Variants in SORL1 observed in about 807,000 individuals in gnomAD.
The protein encoded by SORL1 is sortilin-related receptor.
A neutral mutation model predicts 273.7 loss-of-function variants in SORL1; 127 were observed. The ratio of observed to expected loss-of-function variants is 0.46; its 90% CI spans 0.40 to 0.54. The LOEUF is 0.54. SORL1 is among the 20% of genes least tolerant of loss of function. The probability of loss-of-function intolerance (pLI) is 0.00; values close to 1 mark genes in which losing one functional copy is unlikely to be tolerated. For missense variants in SORL1, 2,494 were observed against 2,846.1 expected (o/e 0.88, Z 2.81); for synonymous variants, 1,031 against 1,067.4 (o/e 0.97, Z 0.66).
intron 1 of SORL1, among the ~76,000 whole-genome samples, chr11:121,464,470 C>T (rs183282155): frequency 1.6e-4 from 25 of 152,302 alleles, no homozygotes; most frequent in African/African-American, 6.0e-4. Flanking sequence ...CGCAAGTGAA[C>T]GCATGAGTAA....
At chr11:121,586,693 T>TGGGGGGGGGGGGGGGGGGGGGG (rs376563096) in intron 27 of SORL1, among the ~76,000 whole-genome samples, 1 of 97,160 alleles carries the variant, frequency 1.0e-5, no homozygotes, top group Non-Finnish European at 2.0e-5. Context: ...GGGGGTAGAG[T>TGGGGGGGGGGGGGGGGGGGGGG]GGGGGGGGGG....
intron 3 of SORL1, among the ~76,000 whole-genome samples, chr11:121,481,050 C>A (rs74965467): frequency 8.7e-6 from 1 of 114,358 alleles, no homozygotes; most frequent in African/African-American, 3.7e-5. Flanking sequence ...AGCTCCTCCC[C>A]TAGTGCACAG....
intron 6 of SORL1, among the ~76,000 whole-genome samples, chr11:121,503,679 T>C (rs914619027): frequency 6.6e-6 from 1 of 152,098 alleles, no homozygotes; most frequent in African/African-American, 2.4e-5. Context: ...AGGGTCTCAC[T>C]ATGTTGCCCA....
At chr11:121,464,850 T>C (rs1373320595) in intron 1 of SORL1, among the ~76,000 whole-genome samples, 1 of 152,126 alleles carries the variant, frequency 6.6e-6, no homozygotes, top group Non-Finnish European at 1.5e-5. Context: ...AGAGACCCAG[T>C]CCACAGCCTG....
At chr11:121,594,965 C>A (rs142241757) in intron 31 of SORL1, among the ~76,000 whole-genome samples, 11 of 152,312 alleles carry the variant, frequency 7.2e-5, no homozygotes, top group African/African-American at 2.6e-4. Context: ...TTGCTAGGAT[C>A]CTCGGAGAAG....
chr11:121,540,953 T>C (rs1192329868), intron 12 of SORL1, among the ~76,000 whole-genome samples: 1 of 152,274 alleles, frequency 6.6e-6, no homozygotes, highest in Non-Finnish European at 1.5e-5. Context: ...TTGACTCTGT[T>C]GGTTCAGTTT....
At chr11:121,464,584 G>A (rs1440372723) in intron 1 of SORL1, among the ~76,000 whole-genome samples, 1 of 152,190 alleles carries the variant, frequency 6.6e-6, no homozygotes, top group African/African-American at 2.4e-5. Flanking sequence ...CTGAATAATA[G>A]GAGGTGAATC....
intron 1 of SORL1, among the ~76,000 whole-genome samples, chr11:121,458,653 A>C (rs1240512795): frequency 1.3e-5 from 2 of 152,230 alleles, no homozygotes; most frequent in Non-Finnish European, 2.9e-5. Context: ...TCAATTTAAA[A>C]TGAGCCACAG....
In SORL1 at chr11:121,523,190, A is replaced by G. The variant is rs139568145; in HGVS notation, c.1596+201A>G. Among the ~76,000 whole-genome samples, 1,418 of 152,318 alleles carry G rather than the reference A, an allele frequency of 9.3e-3. 12 individuals are homozygous for G. Among genetic ancestry groups the G allele is most frequent in the South Asian group, 0.017 (83 of 4,832 alleles). ...CTTTAAATTAAACACAGACCTTTGC[A>G]AATGTGTGAATTTTACTGAACATTC... is the stretch of plus-strand genomic sequence containing the variant. On this transcript the variant is annotated intron_variant, in intron 11 of 47. Transcript: ENST00000260197.
At chr11:121,560,294 T>G (rs897498120) in intron 21 of SORL1, among the ~76,000 whole-genome samples, 1 of 152,188 alleles carries the variant, frequency 6.6e-6, no homozygotes, top group African/African-American at 2.4e-5. Flanking sequence ...AGAATTGCAG[T>G]GGGTGCAGAC....
intron 43 of SORL1, among the ~76,000 whole-genome samples, chr11:121,620,401 C>T (rs1863706074): frequency 6.6e-6 from 1 of 152,162 alleles, no homozygotes; most frequent in Non-Finnish European, 1.5e-5. Flanking sequence ...AAGTTTCTGA[C>T]CCCTCTTTAA....
In SORL1 at chr11:121,596,937, G is replaced by A. The variant is rs544542574; in HGVS notation, c.4519+1165G>A. Among the ~76,000 whole-genome samples the A allele has an allele frequency of 1.3e-5, 2 of 152,278 alleles. No homozygotes were observed. Among genetic ancestry groups the A allele is most frequent in the East Asian group, 3.9e-4 (2 of 5,190 alleles). ...TAGAGATGGAATAGAATCTGAGGTG[G>A]AGGTTAGTCATCTCTTAATTCCTCT... is the stretch of plus-strand genomic sequence containing the variant. On this transcript the variant is annotated intron_variant, in intron 32 of 47. Transcript: ENST00000260197. This position sits in a 1 kb window ranked among gnomAD's most constrained non-coding sequence, Gnocchi z 4.3.
chr11:121,476,190 C>T (rs777292693), intron 2 of SORL1, among the ~76,000 whole-genome samples: 1 of 152,180 alleles, frequency 6.6e-6, no homozygotes, highest in African/African-American at 2.4e-5. Context: ...ATGTTTGAAC[C>T]TAACCGGGAC....
In SORL1 at chr11:121,529,615, G is replaced by A. The variant is rs375140719; in HGVS notation, c.1597-2849G>A. On this transcript the variant is annotated intron_variant, in intron 11 of 47. Transcript: ENST00000260197. ...TCTCTTTTTTGAAGTTGGGTCTTGT[G>A]TGTTGTCCAGGCTGGTCTTAAACTC... Among the ~76,000 whole-genome samples the A allele has an allele frequency of 7.9e-5, 12 of 151,542 alleles. No homozygotes were observed. In the South Asian group the frequency reaches 1.7e-3, roughly 21 times the overall value.
intron 21 of SORL1, among the ~76,000 whole-genome samples, chr11:121,560,124 G>C (rs1862649082): frequency 6.6e-6 from 1 of 152,246 alleles, no homozygotes; most frequent in Non-Finnish European, 1.5e-5. Context: ...GCACTGTGTA[G>C]TTAGGTGTTG....
intron 6 of SORL1, among the ~76,000 whole-genome samples, chr11:121,506,562 A>G (rs947575101): frequency 6.6e-6 from 1 of 152,190 alleles, no homozygotes; most frequent in Admixed American, 6.5e-5. Context: ...ACCTGCCCCC[A>G]TGGTTCAGTT....
intron 35 of SORL1, 99 bp from the exon 36 acceptor site, chr11:121,606,746 G>T (rs567283528): frequency 2.2e-4 from 169 of 779,238 alleles, no homozygotes; most frequent in Non-Finnish European, 1.7e-4. Flanking sequence ...CTCAATGCCG[G>T]CTGTGGAGTC....
intron 35 of SORL1, among the ~76,000 whole-genome samples, chr11:121,605,866 T>A (rs936153792): frequency 6.6e-6 from 1 of 152,190 alleles, no homozygotes; most frequent in African/African-American, 2.4e-5. Context: ...TAGTACTTGG[T>A]ACTTAGGAGG....
At chr11:121,478,939 C>T (rs1308439983) in intron 3 of SORL1, among the ~76,000 whole-genome samples, 10 of 146,986 alleles carry the variant, frequency 6.8e-5, no homozygotes, top group Non-Finnish European at 6.0e-5. Context: ...TACCCACGTG[C>T]GTGTGTGGGT....
Sources: allele counts gnomAD v4.1 joint callset (sites outside exome capture counted in the v4.1 genomes callset), GRCh38; gene constraint gnomAD v4.1.1; non-coding constraint Gnocchi (gnomAD v3.1); transcripts MANE v1.5; gene names NCBI Gene and HGNC (gene_info 2026-07-23, HGNC 2026-07-21).